Variants in CDKAL1 observed in about 807,000 individuals in gnomAD.
CDKAL1 encodes CDKAL1 threonylcarbamoyladenosine tRNA methylthiotransferase, also known as threonylcarbamoyladenosine tRNA methylthiotransferase.
In CDKAL1, 32 loss-of-function variants were observed where a neutral mutation model predicts 68.2. The ratio of observed to expected loss-of-function variants is 0.47; its 90% confidence interval spans 0.35 to 0.63. The LOEUF (loss-of-function observed/expected upper bound fraction) is 0.63. Ranked by LOEUF, CDKAL1 falls within the 30% of genes least tolerant of loss-of-function variation. The pLI is 0.00. For synonymous variants in CDKAL1, 234 were observed against 244.3 expected, an observed-to-expected ratio of 0.96 and a Z score of 0.39; for missense variants, 606 against 696.7, an observed-to-expected ratio of 0.87 and a Z score of 1.47.
chr6:20,637,109 A>G (rs577339336), intron 4 of CDKAL1, among the ~76,000 whole-genome samples: 7 of 152,140 alleles, frequency 4.6e-5, no homozygotes, highest in African/African-American at 1.7e-4. Context: ...CCAAATGTTT[A>G]TGGTGTCAGT....
rs1554156927 is a variant in CDKAL1, at chr6:20,583,789, C to CG, written c.286+35084_286+35085insG. Among the ~76,000 whole-genome samples the CG allele has an allele frequency of 6.5e-4, 98 of 150,138 alleles. 2 individuals are homozygous for CG. The highest frequency in any genetic ancestry group is 3.2e-3 in the South Asian group (15 of 4,692). ...ACACTTTTGTTAGTAAAAGCGCCCCCCCCCACTAGTTTCAGTCTGCTCTTG... is the reference window on the plus strand; with the variant it reads ...ACACTTTTGTTAGTAAAAGCGCCCCCGCCCCACTAGTTTCAGTCTGCTCTTG... On this transcript the variant is annotated intron_variant, in intron 4 of 15. Coordinates refer to ENST00000274695, the MANE Select transcript of CDKAL1 (RefSeq NM_017774.3).
intron 12 of CDKAL1, among the ~76,000 whole-genome samples, chr6:21,093,318 A>C (rs910822122): frequency 6.6e-6 from 1 of 152,218 alleles, no homozygotes; most frequent in Non-Finnish European, 1.5e-5. Context: ...GTACCCACCA[A>C]AGTATTCATC....
intron 8 of CDKAL1, among the ~76,000 whole-genome samples, chr6:20,797,977 T>G (rs1414607607): frequency 1.3e-5 from 2 of 151,518 alleles, no homozygotes; most frequent in African/African-American, 4.9e-5. Flanking sequence ...CTACCATGCC[T>G]GGCTATTTTT....
At chr6:20,817,854 A>G (rs1011265038) in intron 8 of CDKAL1, among the ~76,000 whole-genome samples, 6 of 151,990 alleles carry the variant, frequency 3.9e-5, no homozygotes, top group African/African-American at 2.4e-5. Flanking sequence ...AACTTTTATC[A>G]TAGGGTGTTT....
At chr6:21,227,346 T>TTAAG (rs1779789348) in intron 15 of CDKAL1, among the ~76,000 whole-genome samples, 2 of 152,388 alleles carry the variant, frequency 1.3e-5, no homozygotes, top group Admixed American at 6.5e-5. Context: ...CTACTTTTTC[T>TTAAG]TAAGTATCTC....
intron 5 of CDKAL1, among the ~76,000 whole-genome samples, chr6:20,687,767 C>T (rs1770691459): frequency 6.6e-6 from 1 of 152,154 alleles, no homozygotes; most frequent in Non-Finnish European, 1.5e-5. Flanking sequence ...CTCAAGTGAT[C>T]TGTCTGCCTC....
chr6:20,541,244 G>T (rs1345638462), intron 2 of CDKAL1, among the ~76,000 whole-genome samples: 2 of 151,992 alleles, frequency 1.3e-5, no homozygotes, highest in African/African-American at 4.8e-5. Context: ...GCTCTTTTTT[G>T]CAAGAACAGA....
chr6:20,698,148 C>G (rs773389844), intron 5 of CDKAL1, among the ~76,000 whole-genome samples: 1 of 152,102 alleles, frequency 6.6e-6, no homozygotes, highest in Non-Finnish European at 1.5e-5. Context: ...CTGTGTATTG[C>G]AGTGTGTCTG....
chr6:21,187,577 T>C (rs1201259042), intron 13 of CDKAL1, among the ~76,000 whole-genome samples: 1 of 152,216 alleles, frequency 6.6e-6, no homozygotes, highest in Non-Finnish European at 1.5e-5. Context: ...GGAATTATTC[T>C]GAGTTTTATA....
At chr6:20,898,017 C>T (rs1044924069) in intron 9 of CDKAL1, among the ~76,000 whole-genome samples, 4 of 152,028 alleles carry the variant, frequency 2.6e-5, no homozygotes, top group African/African-American at 7.2e-5. Context: ...GAAAATGTTG[C>T]TGCCCTTTAG....
intron 12 of CDKAL1, among the ~76,000 whole-genome samples, chr6:21,071,237 G>C (rs749300273): frequency 6.6e-5 from 10 of 152,120 alleles, no homozygotes; most frequent in Non-Finnish European, 1.3e-4. Context: ...CTGGTGGGAG[G>C]TGATTGGATC....
At chr6:20,913,158 C>CACACACACACACACACACACAT (rs1229681370) in intron 9 of CDKAL1, among the ~76,000 whole-genome samples, 3 of 145,692 alleles carry the variant, frequency 2.1e-5, no homozygotes, top group African/African-American at 8.0e-5. Context: ...CACACACACA[C>CACACACACACACACACACACAT]ATTACCACAA....
At chr6:20,990,645 A>C (rs1053081739) in intron 10 of CDKAL1, among the ~76,000 whole-genome samples, 1 of 152,244 alleles carries the variant, frequency 6.6e-6, no homozygotes, top group African/African-American at 2.4e-5. Context: ...GCGCTCCCTC[A>C]TTCACTTTCT....
intron 7 of CDKAL1, among the ~76,000 whole-genome samples, chr6:20,772,156 A>T (rs2150363708): frequency 6.6e-6 from 1 of 152,300 alleles, no homozygotes; most frequent in Admixed American, 6.5e-5. Context: ...TACAGGTTTG[A>T]GCATGAGAAA....
intron 8 of CDKAL1, among the ~76,000 whole-genome samples, chr6:20,786,175 A>C (rs1379856687): frequency 6.6e-6 from 1 of 152,178 alleles, no homozygotes; most frequent in Admixed American, 6.5e-5. Context: ...CAGTGAGCTG[A>C]GATCACACCA....
rs145018849 is a variant in CDKAL1, at chr6:20,603,879, C to T, written c.287-45414C>T. The stretch of plus-strand genomic sequence containing the variant: ...GCAACCTCCACCTCCCGGGTTCAAG[C>T]GATTCTCCAGCCTCAGCCTCCCAGA... On this transcript the variant is annotated intron_variant, in intron 4 of 15. Transcript: ENST00000274695. 3.4e-3 allele frequency among the ~76,000 whole-genome samples: 488 copies of T among 142,468 alleles called. 4 individuals carry two copies. Among genetic ancestry groups the T allele is most frequent in the African/African-American group, 0.012 (467 of 39,092 alleles). 93.5% of individuals were successfully genotyped at this position (142,468 alleles called of 152,430 possible).
intron 8 of CDKAL1, among the ~76,000 whole-genome samples, chr6:20,827,802 A>C (rs1341846416): frequency 6.6e-6 from 1 of 152,178 alleles, no homozygotes; most frequent in Non-Finnish European, 1.5e-5. Context: ...TTGAATTACC[A>C]CTTACATTTT....
At chr6:20,747,757 A>G (rs993180728) in intron 6 of CDKAL1, among the ~76,000 whole-genome samples, 2 of 152,178 alleles carry the variant, frequency 1.3e-5, no homozygotes, top group Non-Finnish European at 2.9e-5. Flanking sequence ...ATGGTTTGCA[A>G]ATATTTTCTC....
At chr6:21,230,785 A>G (rs1779939158) in intron 15 of CDKAL1, 63 bp from the exon 16 acceptor site, 1 of 1,283,636 alleles carries the variant, frequency 7.8e-7, no homozygotes, top group East Asian at 2.5e-5. Context: ...TGCTTGATTG[A>G]TATCACAACA....
Sources: allele counts gnomAD v4.1 joint callset (sites outside exome capture counted in the v4.1 genomes callset), GRCh38; gene constraint gnomAD v4.1.1; transcripts MANE v1.5; gene names NCBI Gene and HGNC (gene_info 2026-07-23, HGNC 2026-07-21).